HEPH: variants seen among roughly 807,000 people sequenced by gnomAD.
HEPH encodes hephaestin.
In HEPH, 69 loss-of-function variants were observed where a neutral mutation model predicts 80.8. That is an observed-to-expected ratio of 0.85 (90% confidence interval 0.70 to 1.04). The LOEUF (loss-of-function observed/expected upper bound fraction) is 1.04, where lower values mean the gene tolerates loss of function less well. HEPH is among the 50% of genes least tolerant of loss of function. HEPH has a pLI of 0.00. For missense variants in HEPH, 1,115 were observed against 891.3 expected (o/e 1.25, Z -3.20); for synonymous variants, 431 against 322.8 (o/e 1.34, Z -3.60).
intron 15 of HEPH, among the ~76,000 whole-genome samples, chrX:66,234,512 A>G (rs940563560): frequency 6.3e-5 from 7 of 111,193 alleles, no homozygotes; most frequent in African/African-American, 2.3e-4. Flanking sequence ...ACCATGGTTG[A>G]ATTAATTTAC....
chrX:66,228,783 C>A (rs186345586), intron 15 of HEPH, among the ~76,000 whole-genome samples: 3 of 112,094 alleles, frequency 2.7e-5, no homozygotes, highest in Non-Finnish European at 3.8e-5. Context: ...AAATGCTCAA[C>A]AGCACTAAGG....
At chrX:66,183,621 T>A (rs1380201867) in intron 4 of HEPH, among the ~76,000 whole-genome samples, 5 of 51,645 alleles carry the variant, frequency 9.7e-5, no homozygotes, top group East Asian at 4.1e-4. Flanking sequence ...GCTAGCGGTC[T>A]ATCAATTTTG....
intron 15 of HEPH, among the ~76,000 whole-genome samples, chrX:66,246,683 C>T (rs2090822140): frequency 9.0e-6 from 1 of 111,558 alleles, no homozygotes; most frequent in Non-Finnish European, 1.9e-5. Flanking sequence ...CTCACTTACT[C>T]ACCTTTCCCC....
Position 66,266,735 on chromosome X carries a change from A to G in HEPH, c.*63A>G, listed in dbSNP as rs2091552935. On this transcript the variant is annotated 3_prime_UTR_variant, in exon 21 of 21. Transcript: ENST00000343002. Reference sequence around the variant, plus strand: ...GTAGTGCACTCCCAGCAGGCCATGGACTAGTCACTAACCCCACACTCAAAG... The same window carrying G: ...GTAGTGCACTCCCAGCAGGCCATGGGCTAGTCACTAACCCCACACTCAAAG... The G allele has an allele frequency of 1.3e-6, 1 of 764,740 alleles. No individual in the cohort carries two copies. 63.0% of individuals were successfully genotyped at this position (764,740 alleles called of 1,213,427 possible).
In HEPH at chrX:66,260,146, C is replaced by T. The variant is rs149441279; in HGVS notation, c.3083C>T (p.Thr1028Ile). Residue 1028 changes from threonine (T) to isoleucine (I), a missense_variant, in exon 19 of 21, where the codon ACT becomes ATT. Thr to Ile is a moderately conservative substitution (Grantham distance 89, BLOSUM62 -1). Transcript: ENST00000343002. The stretch of plus-strand genomic sequence containing the variant: ...GATGTGGTGGATCTGTTCCCAGGGA[C>T]TTTTGAGGTTGTGGAGATGGTGGCC... Reference protein sequence around the residue: ...RADVVDLFPGTFEVVEMVASN... With the variant: ...RADVVDLFPGIFEVVEMVASN... 11 of 1,205,763 alleles carry T rather than the reference C, an allele frequency of 9.1e-6. No homozygotes were observed. The African/African-American group carries it at 1.9e-4, about 21-fold the overall frequency.
At chrX:66,266,244 C>G (rs1036353028) in intron 20 of HEPH, among the ~76,000 whole-genome samples, 196 bp from the exon 21 acceptor site, 2 of 110,785 alleles carry the variant, frequency 1.8e-5, no homozygotes, top group Non-Finnish European at 3.8e-5. Context: ...TCTCAAGGAC[C>G]CTTATAGCTG....
Position 66,203,380 on chromosome X carries a change from T to A in HEPH, c.2094T>A (p.Tyr698Ter), listed in dbSNP as rs1285922071. 1 of 1,210,257 alleles carries A rather than the reference T, an allele frequency of 8.3e-7. No individual in the cohort carries two copies. The highest frequency in any genetic ancestry group is 2.2e-5 in the Admixed American group (1 of 46,000). Residue 698 changes from tyrosine to a stop codon, truncating the protein, a stop_gained, in exon 13 of 21, where the codon TAT becomes TAA. Coordinates refer to ENST00000343002, the MANE Select transcript of HEPH (RefSeq NM_001367233.3). LOFTEE classifies it high-confidence loss of function. Reference sequence around the variant, plus strand: ...CTCCCTCAGGGACATTTGAGATTTATTGCCAGGCAGGCAGCCATCGAGAAG... The same window carrying A: ...CTCCCTCAGGGACATTTGAGATTTAATGCCAGGCAGGCAGCCATCGAGAAG... ...QPDNLGTFEI[Y>*]CQAGSHREAG...
intron 15 of HEPH, among the ~76,000 whole-genome samples, chrX:66,225,213 C>T (rs1031572683): frequency 2.6e-4 from 29 of 111,549 alleles, no homozygotes; most frequent in Non-Finnish European, 4.7e-4. Flanking sequence ...AATAGTACTC[C>T]ATCGTCTCCC....
chrX:66,191,222 A>G (rs2087770808), intron 6 of HEPH, among the ~76,000 whole-genome samples: 1 of 111,520 alleles, frequency 9.0e-6, no homozygotes, highest in Non-Finnish European at 1.9e-5. Context: ...AACCTGTCTG[A>G]CCTTTAGTTT....
intron 15 of HEPH, among the ~76,000 whole-genome samples, chrX:66,251,032 C>T (rs944898786): frequency 3.6e-5 from 4 of 111,494 alleles, no homozygotes; most frequent in Non-Finnish European, 7.5e-5. Flanking sequence ...TACAGGTGCC[C>T]ACCACCACAT....
chrX:66,259,959 C>T (rs1381439572), intron 18 of HEPH, 141 bp from the exon 19 acceptor site: 16 of 429,133 alleles, frequency 3.7e-5, no homozygotes, highest in Non-Finnish European at 1.6e-5. Flanking sequence ...GTAAAGTGGA[C>T]TTTTAAAACC....
At chrX:66,164,903 C>T (rs1450312909) in intron 1 of HEPH, among the ~76,000 whole-genome samples, 1 of 112,049 alleles carries the variant, frequency 8.9e-6, no homozygotes, top group Non-Finnish European at 1.9e-5. Flanking sequence ...CTTAACTAAG[C>T]TAAACATCTG....
rs766721649 is a variant in HEPH, at chrX:66,188,539, A to G, written c.806A>G (p.His269Arg). The G allele has an allele frequency of 8.3e-7, 1 of 1,204,037 alleles. No homozygotes were observed. The highest frequency in any genetic ancestry group is 1.1e-6 in the Non-Finnish European group (1 of 890,507). ...DETFQESNRMHAINGFVFGNL... is the reference protein window; with the variant it reads ...DETFQESNRMRAINGFVFGNL... Reference sequence around the variant, plus strand: ...ACATTTCAGGAGAGCAATAGGATGCATGGTGAGTTGGGAAAAGGTGGCCAC... The same window carrying G: ...ACATTTCAGGAGAGCAATAGGATGCGTGGTGAGTTGGGAAAAGGTGGCCAC... The change falls in exon 5 of 21, where the codon CAT becomes CGT. Residue 269 changes from histidine to arginine, a missense_variant and splice_region_variant. His to Arg is a conservative substitution (Grantham distance 29). This residue lies in a region of HEPH where 391 missense variants were observed against 343.6 expected (regional missense o/e 1.14). Transcript: ENST00000343002.
At chrX:66,251,439 T>C (rs764139488) in intron 15 of HEPH, among the ~76,000 whole-genome samples, 3 of 112,410 alleles carry the variant, frequency 2.7e-5, no homozygotes, top group Non-Finnish European at 5.6e-5. Context: ...ATTTGCATTT[T>C]CCAAATGGCT....
intron 20 of HEPH, 94 bp downstream of exon 20, chrX:66,263,782 C>T: frequency 1.2e-6 from 1 of 843,796 alleles, no homozygotes; most frequent in South Asian, 2.3e-5. Flanking sequence ...ACTTATGTGA[C>T]TGAGAGTTAG....
intron 15 of HEPH, among the ~76,000 whole-genome samples, chrX:66,251,974 A>T (rs1396863669): frequency 5.4e-5 from 6 of 112,148 alleles, no homozygotes; most frequent in African/African-American, 1.9e-4. Flanking sequence ...ATTTGTTGTT[A>T]TGTGAAGCAT....
At chrX:66,208,631 CATATAT>C (rs56924616) in intron 15 of HEPH, among the ~76,000 whole-genome samples, 5,143 of 34,774 alleles carry the variant, frequency 0.15, 347 homozygotes, top group Non-Finnish European at 0.23. Context: ...TATATACATA[CATATAT>C]ATATATATAT....
At chrX:66,187,821 A>G (rs2087551300) in intron 4 of HEPH, among the ~76,000 whole-genome samples, 1 of 111,962 alleles carries the variant, frequency 8.9e-6, no homozygotes, top group African/African-American at 3.3e-5. Context: ...GTCCACCATG[A>G]TGATCCTACG....
At position 66,200,550 on chromosome X, in the gene HEPH, G is replaced by A. The variant is rs2088380289; in HGVS notation, c.1875G>A (p.Gly625=). The change falls in exon 12 of 21, where the codon GGG becomes GGA. Residue 625 remains glycine, a synonymous_variant. Coordinates refer to ENST00000343002, the MANE Select transcript of HEPH (RefSeq NM_001367233.3). ...QDSNRMHAIN[G]FLFSNLPRLD... is the part of the protein sequence containing the mutation. ...GTTTTTGTTTTCCAGCCATTAATGGGTTTCTGTTCTCTAACCTGCCCAGGC... is the reference window on the plus strand; with the variant it reads ...GTTTTTGTTTTCCAGCCATTAATGGATTTCTGTTCTCTAACCTGCCCAGGC... The A allele has an allele frequency of 8.3e-7, 1 of 1,200,082 alleles. No homozygotes were observed. The highest frequency in any genetic ancestry group is 1.1e-6 in the Non-Finnish European group (1 of 889,035).
Sources: gnomAD v4.1 joint callset for allele counts (sites outside exome capture counted in the v4.1 genomes callset) on GRCh38, gnomAD v4.1.1 for gene constraint, gnomAD v4.1.1 regional missense constraint, MANE v1.5 for transcripts, NCBI Gene and HGNC (gene_info 2026-07-23, HGNC 2026-07-21) for gene names.